Variants in ASB10 observed in about 807,000 individuals in gnomAD.
ASB10 encodes the protein ankyrin repeat and SOCS box containing 10.
In ASB10, 44 loss-of-function variants were observed where a neutral mutation model predicts 35.4. The observed-to-expected ratio is 1.24, with a 90% CI of 0.98 to 1.60. ASB10 has a LOEUF of 1.60. ASB10 is among the 40% of genes most tolerant of loss of function. ASB10 has a pLI of 0.00. For missense variants in ASB10, 647 were observed against 634.3 expected (o/e 1.02, Z -0.22); for synonymous variants, 294 against 280.4 (o/e 1.05, Z -0.49).
At chr7:151,182,396 G>C (rs1318259024) in intron 2 of ASB10, among the ~76,000 whole-genome samples, 1 of 152,104 alleles carries the variant, frequency 6.6e-6, no homozygotes, top group Admixed American at 6.5e-5. Flanking sequence ...TGGCAAACAC[G>C]GTGAACCCCC....
upstream of ASB10, chr7:151,187,418 C>G (rs1202025928): frequency 1.2e-5 from 19 of 1,550,754 alleles, no homozygotes; most frequent in Non-Finnish European, 1.6e-5. This position sits in a 1 kb window ranked among gnomAD's most constrained non-coding sequence, Gnocchi z 5.3. Context: ...CAGCCCAGCC[C>G]CCTGGTTCTC....
At chr7:151,176,076 A>G (rs1376675126) in intron 5 of ASB10, 36 bp downstream of exon 5, 1 of 1,602,246 alleles carries the variant, frequency 6.2e-7, no homozygotes, top group East Asian at 2.2e-5. Flanking sequence ...CCTGGACCCC[A>G]AGCAGCTGTG....
Position 151,186,886 on chromosome 7 carries a change from G to A in ASB10, c.245C>T (p.Ala82Val). 6.2e-7 allele frequency: 1 copy of A among 1,613,826 alleles called. No individual in the cohort carries two copies. The highest frequency in any genetic ancestry group is 1.1e-5 in the South Asian group (1 of 91,070). Residue 82 changes from alanine (A) to valine (V), a missense_variant, in exon 1 of 6, where the codon GCT becomes GTT. Coordinates refer to ENST00000420175, the MANE Select transcript of ASB10 (RefSeq NM_001142459.2). ...RILADSSTGL[A>V]PDSVFDTSDP... ...GCTGGTATCAAAGACGGAATCAGGA[G>A]CCAGGCCAGTACTGGAGTCCGCGAG...
rs1161417425 is a variant in ASB10 at position 151,176,025 on chromosome 7, G to A, written c.*1-59C>T. 7 of 1,485,834 alleles carry A rather than the reference G, an allele frequency of 4.7e-6. No individual in the cohort carries two copies. In the African/African-American group the frequency reaches 8.4e-5, roughly 18 times the overall value. 92.0% of individuals were successfully genotyped at this position (1,485,834 alleles called of 1,614,324 possible). A position where few individuals can be genotyped will look rare whatever the true frequency, so the allele number is the denominator to read the frequency against. ...GTGGTTCGGGGACGGGCCGGTTCTG[G>A]CTAGGGCCCTCCCCAACCCTTCTCT... On this transcript the variant is annotated intron_variant, in intron 5 of 5. Transcript: ENST00000420175.
At chr7:151,177,639 G>A (rs1035856714) in intron 3 of ASB10, among the ~76,000 whole-genome samples, 1 of 152,212 alleles carries the variant, frequency 6.6e-6, no homozygotes, top group African/African-American at 2.4e-5. Flanking sequence ...ACAGAGGGAG[G>A]ACTGGGCTCT....
rs755090792 is a variant in ASB10 at position 151,186,538 on chromosome 7, AG to A, written c.437del (p.Pro146LeufsTer90). The A allele has an allele frequency of 1.9e-6, 3 of 1,604,122 alleles. No individual in the cohort carries two copies. Among genetic ancestry groups the A allele is most frequent in the African/African-American group, 2.7e-5 (2 of 74,766 alleles). On this transcript the variant is annotated frameshift_variant, in exon 2 of 6. Transcript: ENST00000420175. LOFTEE classifies it high-confidence loss of function. ...LRRRARPDSA[P>X]GGRTALHEAC... Reference sequence around the variant, plus strand: ...CCTCGTGCAGGGCGGTGCGGCCCCCAGGGGCACTGTCTGGCCTTGCTCGCCG... The same window carrying A: ...CCTCGTGCAGGGCGGTGCGGCCCCCAGGGCACTGTCTGGCCTTGCTCGCCG...
chr7:151,180,821 C>G lies in ASB10; in HGVS notation c.1104+118G>C, dbSNP rs1012163691. On this transcript the variant is annotated intron_variant, in intron 3 of 5. Coordinates refer to ENST00000420175, the MANE Select transcript of ASB10 (RefSeq NM_001142459.2). ...CTTTGCTTACATGCTGAATGAAAGA[C>G]AGACAGAAGGAACCAATCTATGTGC... The G allele has an allele frequency of 3.6e-6, 5 of 1,402,704 alleles. No homozygotes were observed. The African/African-American group carries it at 5.8e-5, about 16-fold the overall frequency. The allele number at this position is 1,402,704 out of a possible 1,614,324, so 86.9% of individuals were successfully genotyped here.
intron 3 of ASB10, among the ~76,000 whole-genome samples, chr7:151,177,620 G>A (rs527520962): frequency 6.6e-6 from 1 of 152,224 alleles, no homozygotes; most frequent in East Asian, 1.9e-4. Context: ...GGGGCTGGGT[G>A]GGGGACTCAC....
chr7:151,176,540 T>C, intron 4 of ASB10, 23 bp downstream of exon 4: 2 of 1,541,182 alleles, frequency 1.3e-6, no homozygotes, highest in Non-Finnish European at 1.8e-6. Flanking sequence ...AGAAGCTCTA[T>C]GTTCAGGGCC....
upstream of ASB10, chr7:151,187,625 G>A (rs1454623326): frequency 1.3e-6 from 2 of 1,539,638 alleles, no homozygotes; most frequent in Non-Finnish European, 1.8e-6. The surrounding 1 kb of genome is among the most constrained non-coding windows in gnomAD (Gnocchi z 5.3). Flanking sequence ...CTCCCAGGCT[G>A]GGCGGGAGTG....
upstream of ASB10, chr7:151,187,472 C>A: frequency 6.4e-7 from 1 of 1,551,266 alleles, no homozygotes; most frequent in Non-Finnish European, 8.7e-7. This position sits in a 1 kb window ranked among gnomAD's most constrained non-coding sequence, Gnocchi z 5.3. Flanking sequence ...GCTGCTCCAG[C>A]GAGGCTCTGC....
At chr7:151,180,571 G>A (rs150805652) in intron 3 of ASB10, among the ~76,000 whole-genome samples, 4 of 151,990 alleles carry the variant, frequency 2.6e-5, no homozygotes, top group African/African-American at 9.7e-5. Context: ...CTTAAACAAC[G>A]CCCACCACCC....
chr7:151,187,664 G>C (rs958566104), upstream of ASB10: 2 of 1,516,034 alleles, frequency 1.3e-6, no homozygotes, highest in South Asian at 2.5e-5. This position sits in a 1 kb window ranked among gnomAD's most constrained non-coding sequence, Gnocchi z 5.3. Flanking sequence ...GGCCGGGGCG[G>C]AGGGAAGGCA....
chr7:151,178,701 G>C (rs1044003349), intron 3 of ASB10, among the ~76,000 whole-genome samples: 1 of 152,202 alleles, frequency 6.6e-6, no homozygotes, highest in South Asian at 2.1e-4. Context: ...TGAGCAGTGG[G>C]AGCAGAAGGC....
chr7:151,182,723 G>A (rs1036070960), intron 2 of ASB10, among the ~76,000 whole-genome samples: 8 of 152,128 alleles, frequency 5.3e-5, no homozygotes, highest in Admixed American at 2.0e-4. Context: ...CTGTTCCCTC[G>A]TGTGTAGAAT....
chr7:151,176,120 G>C lies in ASB10; in HGVS notation c.1396C>G (p.Leu466Val), dbSNP rs1232207518. 1 of 1,611,328 alleles carries C rather than the reference G, an allele frequency of 6.2e-7. No homozygotes were observed. Among genetic ancestry groups the C allele is most frequent in the Admixed American group, 1.7e-5 (1 of 60,006 alleles). Residue 466 changes from leucine (L) to valine (V), a missense_variant, in exon 5 of 6, where the codon CTC (leucine) becomes GTC (valine). Leu to Val is a conservative substitution (Grantham distance 32, BLOSUM62 1). Transcript: ENST00000420175. Reference protein sequence around the residue: ...RYLQLDFEGVLY With the variant: ...RYLQLDFEGVVY ...CAGATCCCGGGGCTCACCTAGTAGA[G>C]CACGCCCTCAAAATCCAGCTGCAGG...
rs549435570 is a variant in ASB10 at position 151,175,725 on chromosome 7, T to C, written c.*242A>G. 1.6e-4 allele frequency: 30 copies of C among 193,122 alleles called. No homozygotes were observed. Among genetic ancestry groups the C allele is most frequent in the Middle Eastern group, 4.0e-3 (2 of 494 alleles). The allele number at this position is 193,122 out of a possible 1,614,324, so 12.0% of individuals were successfully genotyped here. A position where few individuals can be genotyped will look rare whatever the true frequency, so the allele number is the denominator to read the frequency against. On this transcript the variant is annotated 3_prime_UTR_variant, in exon 6 of 6. Transcript: ENST00000420175. Reference sequence around the variant, plus strand: ...CAGACCTGGAGATTTTTAATGCACATACAGGGTTTGCACAGGCTAGAAGGG... The same window carrying C: ...CAGACCTGGAGATTTTTAATGCACACACAGGGTTTGCACAGGCTAGAAGGG...
chr7:151,178,173 T>C (rs1801423780), intron 3 of ASB10, among the ~76,000 whole-genome samples: 1 of 152,010 alleles, frequency 6.6e-6, no homozygotes, highest in Non-Finnish European at 1.5e-5. Flanking sequence ...CTCTTGAGCC[T>C]GGGAGGCAGA....
chr7:151,186,256 T>C (rs1801586494), intron 2 of ASB10, 136 bp downstream of exon 2: 5 of 1,106,872 alleles, frequency 4.5e-6, no homozygotes, highest in Non-Finnish European at 6.3e-6. Flanking sequence ...GCTTGGGAAG[T>C]AATTGCACCC....
Sources: allele counts gnomAD v4.1 joint callset (sites outside exome capture counted in the v4.1 genomes callset), GRCh38; gene constraint gnomAD v4.1.1; non-coding constraint Gnocchi (gnomAD v3.1); transcripts MANE v1.5; gene names NCBI Gene and HGNC (gene_info 2026-07-23, HGNC 2026-07-21).